Variants in ENTREP2 observed in about 807,000 individuals in gnomAD.
ENTREP2 encodes endosomal transmembrane epsin interactor 2.
At chr15:29,500,668 T>C in the ENTREP2 span, among the ~76,000 whole-genome samples, 1 of 152,008 alleles carries the variant, frequency 6.6e-6, no homozygotes. Flanking sequence ...TAAAAAACTC[T>C]CAAATCAATA....
chr15:29,574,672 A>G, the ENTREP2 span, among the ~76,000 whole-genome samples: 357 of 152,314 alleles, frequency 2.3e-3, no homozygotes, highest in African/African-American at 8.3e-3. Flanking sequence ...TGCTTGCACC[A>G]TGGGGAGACA....
At chr15:29,532,196 T>C in the ENTREP2 span, among the ~76,000 whole-genome samples, 1 of 152,228 alleles carries the variant, frequency 6.6e-6, no homozygotes, top group Non-Finnish European at 1.5e-5. Context: ...TGAATTTATT[T>C]CGCTAAACTG....
the ENTREP2 span, among the ~76,000 whole-genome samples, chr15:29,605,535 T>G: frequency 3.3e-5 from 5 of 152,302 alleles, no homozygotes; most frequent in Admixed American, 3.3e-4. Flanking sequence ...CATTTTATTT[T>G]AAATAAAATG....
At chr15:29,421,940 G>A in the ENTREP2 span, among the ~76,000 whole-genome samples, 2 of 152,170 alleles carry the variant, frequency 1.3e-5, no homozygotes, top group Non-Finnish European at 2.9e-5. Context: ...AGATGCTAAA[G>A]ACAGCATGGT....
At chr15:29,403,345 T>C in the ENTREP2 span, among the ~76,000 whole-genome samples, 1 of 152,154 alleles carries the variant, frequency 6.6e-6, no homozygotes, top group Non-Finnish European at 1.5e-5. Context: ...AGTGGGAAGG[T>C]AGATTGCCCT....
the ENTREP2 span, among the ~76,000 whole-genome samples, chr15:29,155,198 C>T: frequency 9.9e-5 from 15 of 151,478 alleles, no homozygotes; most frequent in Non-Finnish European, 1.0e-4. Context: ...AGGAGAATGG[C>T]GTGAACCCAG....
At chr15:29,287,398 GA>G in the ENTREP2 span, among the ~76,000 whole-genome samples, 47,384 of 122,888 alleles carry the variant, frequency 0.39, 10,101 homozygotes, top group East Asian at 0.74. Flanking sequence ...AAAAAAAAAA[GA>G]AAAAAAAAAA....
At chr15:29,642,524 A>G in the ENTREP2 span, among the ~76,000 whole-genome samples, 3 of 148,116 alleles carry the variant, frequency 2.0e-5, no homozygotes, top group African/African-American at 4.9e-5. Flanking sequence ...ATACATATAT[A>G]CACATATATA....
the ENTREP2 span, among the ~76,000 whole-genome samples, chr15:29,283,450 G>A: frequency 2.0e-5 from 3 of 152,184 alleles, no homozygotes; most frequent in African/African-American, 7.2e-5. Flanking sequence ...CTGGGCTCAA[G>A]TGATTCTCCT....
the ENTREP2 span, among the ~76,000 whole-genome samples, chr15:29,477,679 A>G: frequency 1.3e-5 from 2 of 152,162 alleles, no homozygotes; most frequent in Non-Finnish European, 2.9e-5. Context: ...GACCCTGTCC[A>G]TCTCAGACAT....
the ENTREP2 span, among the ~76,000 whole-genome samples, chr15:29,208,233 G>C: frequency 1.1e-4 from 16 of 144,984 alleles, no homozygotes; most frequent in Non-Finnish European, 1.9e-4. Context: ...GCCAGGCAGA[G>C]GAAGCTGGCA....
At chr15:29,352,266 T>C in the ENTREP2 span, among the ~76,000 whole-genome samples, 2 of 152,094 alleles carry the variant, frequency 1.3e-5, no homozygotes, top group East Asian at 3.9e-4. Flanking sequence ...AAAGATCCCA[T>C]ATAGAATGAT....
chr15:29,185,835 T>A, the ENTREP2 span, among the ~76,000 whole-genome samples: 1 of 152,228 alleles, frequency 6.6e-6, no homozygotes, highest in Admixed American at 6.5e-5. Flanking sequence ...ATGCAGGGAT[T>A]ACAGGTGTGA....
At chr15:29,232,016 A>G in the ENTREP2 span, among the ~76,000 whole-genome samples, 1 of 151,312 alleles carries the variant, frequency 6.6e-6, no homozygotes, top group South Asian at 2.1e-4. Flanking sequence ...CAGCCTCCTG[A>G]GTAGCTGGGA....
chr15:29,663,470 C>T, the ENTREP2 span, among the ~76,000 whole-genome samples: 1 of 152,110 alleles, frequency 6.6e-6, no homozygotes, highest in East Asian at 1.9e-4. Context: ...ACCAAAATGC[C>T]CATCAATGAT....
At chr15:29,150,304 C>G in the ENTREP2 span, among the ~76,000 whole-genome samples, 23 of 152,200 alleles carry the variant, frequency 1.5e-4, no homozygotes, top group African/African-American at 5.5e-4. Context: ...CAGAGCGACT[C>G]TGCACACTGC....
the ENTREP2 span, among the ~76,000 whole-genome samples, chr15:29,499,168 T>C: frequency 2.4e-4 from 37 of 152,194 alleles, no homozygotes; most frequent in African/African-American, 7.0e-4. Context: ...GAACTTTCAA[T>C]TGTCATTTTG....
At chr15:29,236,266 T>TA in the ENTREP2 span, among the ~76,000 whole-genome samples, 3 of 152,128 alleles carry the variant, frequency 2.0e-5, no homozygotes, top group Admixed American at 2.0e-4. Context: ...ACAACTTAGA[T>TA]AAAATGCATC....
chr15:29,265,143 A>G, the ENTREP2 span: 5 of 152,142 alleles, frequency 3.3e-5, no homozygotes, highest in Non-Finnish European at 5.9e-5. Context: ...TTTATAGGGG[A>G]AAAAAACTCT....
Sources: gnomAD v4.1 joint callset for allele counts (sites outside exome capture counted in the v4.1 genomes callset) on GRCh38, gnomAD v4.1.1 for gene constraint, MANE v1.5 for transcripts, NCBI Gene and HGNC (gene_info 2026-07-23, HGNC 2026-07-21) for gene names.